The following CNTNAP5 variants were observed in gnomAD, a reference collection of about 807,000 sequenced individuals.
CNTNAP5 encodes contactin-associated protein-like 5.
CNTNAP5 carries 72 observed loss-of-function variants against 150.2 expected under a neutral mutation model. The ratio of observed to expected loss-of-function variants is 0.48; its 90% confidence interval spans 0.40 to 0.58. CNTNAP5 has a LOEUF of 0.58. Among genes scored for constraint, CNTNAP5 ranks in the 20% least tolerant of loss-of-function variants. CNTNAP5 has a pLI of 0.00. For synonymous variants in CNTNAP5, 672 were observed against 619.8 expected, an observed-to-expected ratio of 1.08 and a Z score of -1.25; for missense variants, 1,636 against 1,626.2, an observed-to-expected ratio of 1.01 and a Z score of -0.10.
At chr2:124,610,265 A>C (rs1252586190) in intron 12 of CNTNAP5, among the ~76,000 whole-genome samples, 1 of 152,218 alleles carries the variant, frequency 6.6e-6, no homozygotes, top group Non-Finnish European at 1.5e-5. Flanking sequence ...ACTCCAAATC[A>C]GTGGGAAGCC....
chr2:124,280,146 T>A (rs1687977739), intron 3 of CNTNAP5, among the ~76,000 whole-genome samples: 1 of 151,690 alleles, frequency 6.6e-6, no homozygotes, highest in African/African-American at 2.4e-5. Context: ...TCTGTGATTA[T>A]TTTATATATA....
chr2:124,298,208 T>C (rs1414692908), intron 3 of CNTNAP5, among the ~76,000 whole-genome samples: 2 of 152,188 alleles, frequency 1.3e-5, no homozygotes, highest in African/African-American at 4.8e-5. Flanking sequence ...GTTTGTTACA[T>C]AGGTAAACTT....
intron 3 of CNTNAP5, among the ~76,000 whole-genome samples, chr2:124,381,655 G>A (rs902235250): frequency 6.6e-6 from 1 of 152,106 alleles, no homozygotes; most frequent in Non-Finnish European, 1.5e-5. Flanking sequence ...GAAATGAAAG[G>A]CTTTGCTTGA....
intron 3 of CNTNAP5, among the ~76,000 whole-genome samples, chr2:124,384,041 T>C (rs1283048882): frequency 6.6e-6 from 1 of 152,222 alleles, no homozygotes; most frequent in Non-Finnish European, 1.5e-5. Context: ...CATTAATCCG[T>C]GGTTTAATAT....
chr2:124,345,233 T>C (rs543960953), intron 3 of CNTNAP5, among the ~76,000 whole-genome samples: 5 of 152,074 alleles, frequency 3.3e-5, no homozygotes, highest in Non-Finnish European at 7.4e-5. Context: ...TTCCATGGAG[T>C]AGTGTTGGAA....
At chr2:124,838,694 AT>A (rs1183225647) in intron 19 of CNTNAP5, among the ~76,000 whole-genome samples, 1 of 152,124 alleles carries the variant, frequency 6.6e-6, no homozygotes, top group Non-Finnish European at 1.5e-5. Context: ...TCTCTCCAAA[AT>A]TCTGGTTCCA....
chr2:124,310,514 C>G (rs182140744), intron 3 of CNTNAP5, among the ~76,000 whole-genome samples: 1 of 152,142 alleles, frequency 6.6e-6, no homozygotes, highest in Non-Finnish European at 1.5e-5. Flanking sequence ...CTCTAATGCC[C>G]CCTTTCCCGT....
intron 13 of CNTNAP5, among the ~76,000 whole-genome samples, chr2:124,716,235 A>G (rs1247786062): frequency 6.6e-6 from 1 of 152,208 alleles, no homozygotes; most frequent in Non-Finnish European, 1.5e-5. Context: ...AAATATTTAA[A>G]TAAACACTGG....
intron 19 of CNTNAP5, among the ~76,000 whole-genome samples, chr2:124,858,651 AAGTT>A (rs1288464566): frequency 1.3e-5 from 2 of 152,222 alleles, no homozygotes; most frequent in African/African-American, 4.8e-5. Context: ...AATGGGTTAT[AAGTT>A]AGTATTTGCA....
At chr2:124,571,428 G>T (rs1306881905) in intron 11 of CNTNAP5, among the ~76,000 whole-genome samples, 1 of 151,122 alleles carries the variant, frequency 6.6e-6, no homozygotes, top group Non-Finnish European at 1.5e-5. Context: ...ACTACGGAAA[G>T]TGTAACCTAG....
Position 124,796,193 on chromosome 2 carries a change from C to T in CNTNAP5, c.2993-1903C>T, listed in dbSNP as rs113050718. On this transcript the variant is annotated intron_variant, in intron 18 of 23. Coordinates refer to ENST00000682447, the MANE Select transcript of CNTNAP5 (RefSeq NM_001367498.1). The stretch of plus-strand genomic sequence containing the variant: ...GAGTGACAACAGAAATTTGGTTTGA[C>T]ATTTCTAATTACAAAATGCTTTTCA... Among the ~76,000 whole-genome samples, 1,293 of 152,224 alleles carry T rather than the reference C, an allele frequency of 8.5e-3. 21 individuals are homozygous for T. The highest frequency in any genetic ancestry group is 0.029 in the African/African-American group (1,222 of 41,542).
At chr2:124,655,939 GAGAGAGAGAAAGAAAGAAAGAA>G (rs1414379986) in intron 13 of CNTNAP5, among the ~76,000 whole-genome samples, 95 of 103,084 alleles carry the variant, frequency 9.2e-4, no homozygotes, top group African/African-American at 2.6e-3. Flanking sequence ...GAGAGAGAGA[GAGAGAGAGAAAGAAAGAAAGAA>G]AGAAAGAAAG....
intron 11 of CNTNAP5, among the ~76,000 whole-genome samples, chr2:124,599,802 A>G (rs1186925023): frequency 6.6e-6 from 1 of 152,166 alleles, no homozygotes; most frequent in Non-Finnish European, 1.5e-5. Flanking sequence ...AATGGCAAAA[A>G]TGTGGCTTAT....
At chr2:124,043,010 T>G (rs1051296502) in intron 1 of CNTNAP5, among the ~76,000 whole-genome samples, 5 of 152,208 alleles carry the variant, frequency 3.3e-5, no homozygotes, top group Non-Finnish European at 7.3e-5. Context: ...GCTTATCTTC[T>G]CCAGTCCAAT....
intron 1 of CNTNAP5, among the ~76,000 whole-genome samples, chr2:124,210,159 A>T (rs991369246): frequency 1.3e-5 from 2 of 152,214 alleles, no homozygotes; most frequent in Non-Finnish European, 2.9e-5. Context: ...GTCTTTGGGT[A>T]ATTAAAAACC....
At position 124,185,134 on chromosome 2, in the gene CNTNAP5, A is replaced by C. The variant is rs540890342; in HGVS notation, c.83-36571A>C. On this transcript the variant is annotated intron_variant, in intron 1 of 23. Transcript: ENST00000682447. Reference sequence around the variant, plus strand: ...TGCACATATACACATATTCTGCCTTAGTTTCCTTATTAAAATTCCTTTTGC... The same window carrying C: ...TGCACATATACACATATTCTGCCTTCGTTTCCTTATTAAAATTCCTTTTGC... 2.0e-5 allele frequency among the ~76,000 whole-genome samples: 3 copies of C among 152,298 alleles called. No individual in the cohort carries two copies. The East Asian group carries it at 5.8e-4, about 29-fold the overall frequency.
chr2:124,814,585 TC>T (rs1431820482), intron 19 of CNTNAP5, among the ~76,000 whole-genome samples: 1 of 152,182 alleles, frequency 6.6e-6, no homozygotes, highest in Non-Finnish European at 1.5e-5. Flanking sequence ...CATTTTTTTT[TC>T]AAGCAAAAGA....
intron 7 of CNTNAP5, among the ~76,000 whole-genome samples, chr2:124,493,849 T>C (rs1694086434): frequency 6.6e-6 from 1 of 152,054 alleles, no homozygotes; most frequent in Non-Finnish European, 1.5e-5. Context: ...AAGAATATTT[T>C]TTCCTGATTA....
intron 3 of CNTNAP5, among the ~76,000 whole-genome samples, chr2:124,407,893 A>T (rs961067510): frequency 6.6e-5 from 10 of 152,168 alleles, no homozygotes; most frequent in Non-Finnish European, 1.5e-4. Context: ...AGATGGCCGA[A>T]TAGGAACAGC....
Sources: gnomAD v4.1 joint callset for allele counts (sites outside exome capture counted in the v4.1 genomes callset) on GRCh38, gnomAD v4.1.1 for gene constraint, MANE v1.5 for transcripts, NCBI Gene and HGNC (gene_info 2026-07-23, HGNC 2026-07-21) for gene names.